The following KIAA0513 variants were observed in gnomAD, a reference collection of about 807,000 sequenced individuals.
The protein encoded by KIAA0513 is uncharacterized protein KIAA0513.
KIAA0513 carries 39 observed loss-of-function variants against 56.5 expected under a neutral mutation model. That is an observed-to-expected ratio of 0.69 (90% CI 0.53 to 0.90). The LOEUF (loss-of-function observed/expected upper bound fraction) is 0.90. KIAA0513 is among the 40% of genes least tolerant of loss of function. KIAA0513 has a pLI of 0.00. For synonymous variants in KIAA0513, 268 were observed against 215.6 expected (o/e 1.24, Z -2.13); for missense variants, 591 against 535.2 (o/e 1.10, Z -1.03).
intron 4 of KIAA0513, 28 bp downstream of exon 4, chr16:85,073,026 T>C (rs1355076804): frequency 1.9e-6 from 3 of 1,594,342 alleles, no homozygotes; most frequent in South Asian, 2.2e-5. Flanking sequence ...ACAAAGCCTT[T>C]GTCCTGGCAA....
chr16:85,084,681 A>G (rs2144100985), intron 10 of KIAA0513, among the ~76,000 whole-genome samples: 1 of 151,880 alleles, frequency 6.6e-6, no homozygotes, highest in South Asian at 2.1e-4. Flanking sequence ...CACCTGTCTC[A>G]CCCTCCCAAA....
intron 8 of KIAA0513, chr16:85,079,259 C>A: frequency 1.5e-6 from 1 of 652,060 alleles, no homozygotes; most frequent in Non-Finnish European, 2.4e-6. Context: ...AAAGGTGAAA[C>A]ACAAGAGTTA....
intron 1 of KIAA0513, among the ~76,000 whole-genome samples, chr16:85,037,308 T>G (rs2073048155): frequency 6.6e-6 from 1 of 151,872 alleles, no homozygotes; most frequent in Admixed American, 6.6e-5. Flanking sequence ...AAATGGAAAA[T>G]GCCAGAGTCA....
chr16:85,083,560 C>T (rs1201438059), intron 10 of KIAA0513, among the ~76,000 whole-genome samples: 1 of 152,186 alleles, frequency 6.6e-6, no homozygotes, highest in African/African-American at 2.4e-5. Context: ...CAGCCCTAGC[C>T]CAAGGAGGGC....
intron 1 of KIAA0513, among the ~76,000 whole-genome samples, chr16:85,053,970 G>A (rs1459302904): frequency 3.7e-5 from 5 of 136,282 alleles, no homozygotes; most frequent in Non-Finnish European, 6.2e-5. Context: ...CCAGCCTGGC[G>A]ACAGAGCAAG....
rs577070374 is a variant in KIAA0513 at position 85,088,640 on chromosome 16, C to T, written c.*315C>T. ...GGAGGGGAAGGACTCCATGGGCCAT[C>T]GTGGGCCAAGGGCTGGCGAGGGTGG... On this transcript the variant is annotated 3_prime_UTR_variant, in exon 13 of 13. Coordinates refer to ENST00000683363, the MANE Select transcript of KIAA0513 (RefSeq NM_001388359.1). 16 of 309,706 alleles carry T rather than the reference C, an allele frequency of 5.2e-5. No individual in the cohort carries two copies. Among genetic ancestry groups the T allele is most frequent in the African/African-American group, 3.2e-4 (15 of 46,870 alleles). 19.2% of individuals were successfully genotyped at this position (309,706 alleles called of 1,614,324 possible).
At chr16:85,062,262 T>C (rs2073417287) in intron 1 of KIAA0513, among the ~76,000 whole-genome samples, 2 of 152,088 alleles carry the variant, frequency 1.3e-5, no homozygotes, top group Admixed American at 1.3e-4. Flanking sequence ...CATGGCTTCA[T>C]TTCTAGCTCC....
intron 1 of KIAA0513, among the ~76,000 whole-genome samples, chr16:85,055,166 TC>T (rs1295302497): frequency 1.1e-4 from 16 of 151,834 alleles, no homozygotes; most frequent in African/African-American, 3.6e-4. Context: ...GAAGTGAGCC[TC>T]CCCGCCTTGG....
intron 1 of KIAA0513, among the ~76,000 whole-genome samples, chr16:85,046,651 G>C (rs1265368150): frequency 6.6e-6 from 1 of 152,228 alleles, no homozygotes; most frequent in Non-Finnish European, 1.5e-5. Flanking sequence ...GTGCTTGTCA[G>C]GAAGGGTGTG....
In KIAA0513 at chr16:85,079,036, C is replaced by G. The variant is rs376203542; in HGVS notation, c.902+33C>G. ...CGAGCCCGCGGCTTCCCGTCACCCT[C>G]TTACTGACGGGGCCAGCAGTCACTC... On this transcript the variant is annotated intron_variant, in intron 8 of 12. Transcript: ENST00000683363. 8 of 1,614,088 alleles carry G rather than the reference C, an allele frequency of 5.0e-6. 1 individual carries two copies. Among genetic ancestry groups the G allele is most frequent in the South Asian group, 4.4e-5 (4 of 91,086 alleles).
intron 1 of KIAA0513, among the ~76,000 whole-genome samples, chr16:85,056,357 G>C (rs1182588653): frequency 3.3e-5 from 5 of 152,184 alleles, no homozygotes; most frequent in African/African-American, 1.2e-4. Flanking sequence ...CTGGAAGTTA[G>C]GTTCAGGAGA....
chr16:85,028,308 C>T (rs1006374738), intron 1 of KIAA0513, among the ~76,000 whole-genome samples: 3 of 152,102 alleles, frequency 2.0e-5, no homozygotes, highest in Admixed American at 6.5e-5. Flanking sequence ...TGCAAGGACC[C>T]CGGGGGAAAG....
rs367983909 is a variant in KIAA0513, at chr16:85,078,931, C to T, written c.830C>T (p.Ala277Val). 1.1e-4 allele frequency: 173 copies of T among 1,614,168 alleles called. 2 individuals are homozygous for T. Among genetic ancestry groups the T allele is most frequent in the Middle Eastern group, 6.6e-4 (4 of 6,062 alleles). Reference protein sequence around the residue: ...PQEKRPRAVTAYSPEDEKKGE... With the variant: ...PQEKRPRAVTVYSPEDEKKGE... ...ATTCTCTCTCCTCCCACAGTGACCG[C>T]GTACAGCCCCGAGGACGAAAAGAAG... The change falls in exon 8 of 13, where the codon GCG becomes GTG. Residue 277 changes from alanine to valine, a missense_variant. Coordinates refer to ENST00000683363, the MANE Select transcript of KIAA0513 (RefSeq NM_001388359.1).
intron 1 of KIAA0513, among the ~76,000 whole-genome samples, chr16:85,046,240 C>G (rs904970898): frequency 1.3e-5 from 2 of 152,236 alleles, no homozygotes; most frequent in African/African-American, 4.8e-5. Context: ...GCATCTTTCA[C>G]ACATGGCTAT....
In KIAA0513 at chr16:85,093,879, C is replaced by T. The variant is rs2073895723; in HGVS notation, c.*5554C>T. 6.6e-6 allele frequency: 1 copy of T among 152,268 alleles called. No individual in the cohort carries two copies. The highest frequency in any genetic ancestry group is 6.5e-5 in the Admixed American group (1 of 15,290). 9.4% of individuals were successfully genotyped at this position (152,268 alleles called of 1,614,324 possible). A position where few individuals can be genotyped will look rare whatever the true frequency, so the allele number is the denominator to read the frequency against. ...GTGTCAGAACACGGTTGACCTGCCG[C>T]CTTCTTGAACCTGGTGGCCCCCGTT... On this transcript the variant is annotated 3_prime_UTR_variant, in exon 13 of 13. Transcript: ENST00000683363.
At chr16:85,058,555 G>C (rs2143963498) in intron 1 of KIAA0513, among the ~76,000 whole-genome samples, 1 of 151,996 alleles carries the variant, frequency 6.6e-6, no homozygotes, top group African/African-American at 2.4e-5. Context: ...GGGAGGCTGA[G>C]GCAGGAGAAT....
At chr16:85,046,201 C>T (rs1048743278) in intron 1 of KIAA0513, among the ~76,000 whole-genome samples, 10 of 152,192 alleles carry the variant, frequency 6.6e-5, no homozygotes, top group African/African-American at 2.2e-4. Context: ...CTTCTTACCA[C>T]GCGCCATGCC....
At chr16:85,062,928 G>A (rs922714558) in intron 1 of KIAA0513, among the ~76,000 whole-genome samples, 1 of 152,132 alleles carries the variant, frequency 6.6e-6, no homozygotes, top group Non-Finnish European at 1.5e-5. Flanking sequence ...GAAGAGGGTG[G>A]GGTTGCTTCC....
intron 1 of KIAA0513, chr16:85,063,327 A>G (rs2073431365): frequency 6.6e-6 from 1 of 152,222 alleles, no homozygotes; most frequent in South Asian, 2.1e-4. Flanking sequence ...GTGCAGAGGC[A>G]CGATCTCCGT....
Sources: allele counts gnomAD v4.1 joint callset (sites outside exome capture counted in the v4.1 genomes callset), GRCh38; gene constraint gnomAD v4.1.1; transcripts MANE v1.5; gene names NCBI Gene and HGNC (gene_info 2026-07-23, HGNC 2026-07-21).